TRPS1: variants seen among roughly 807,000 people sequenced by gnomAD.
TRPS1 encodes zinc finger transcription factor Trps1.
In TRPS1, 6 loss-of-function variants were observed where a neutral mutation model predicts 101.2. The ratio of observed to expected loss-of-function variants is 0.06; its 90% confidence interval spans 0.03 to 0.12. The LOEUF (loss-of-function observed/expected upper bound fraction) is 0.12. Among genes scored for constraint, TRPS1 ranks in the 10% least tolerant of loss-of-function variants. The pLI, the probability that TRPS1 is intolerant of heterozygous loss-of-function variation, is 1.00. For missense variants in TRPS1, 1,363 were observed against 1,567.0 expected, an observed-to-expected ratio of 0.87 and a Z score of 2.20; for synonymous variants, 578 against 589.8, an observed-to-expected ratio of 0.98 and a Z score of 0.29.
intron 5 of TRPS1, among the ~76,000 whole-genome samples, chr8:115,461,143 A>T (rs1814158130): frequency 6.6e-6 from 1 of 152,174 alleles, no homozygotes; most frequent in Non-Finnish European, 1.5e-5. Context: ...AATAATAGTC[A>T]TCATACAAAT....
chr8:115,521,324 G>A lies in TRPS1; in HGVS notation c.2700+65677C>T, dbSNP rs1437746157. On this transcript the variant is annotated intron_variant, in intron 5 of 6. Coordinates refer to ENST00000395715, the MANE Select transcript of TRPS1 (RefSeq NM_014112.5). ...CACTGGATGAGAGGCAACAGAGATT[G>A]TATTTTGTAGTTTCTTGTATTGATT... is the stretch of plus-strand genomic sequence containing the variant. Among the ~76,000 whole-genome samples, 3 of 151,750 alleles carry A rather than the reference G, an allele frequency of 2.0e-5. No homozygotes were observed. In the East Asian group the frequency reaches 5.8e-4, roughly 29 times the overall value.
intron 1 of TRPS1, among the ~76,000 whole-genome samples, chr8:115,638,459 G>A (rs541123020): frequency 3.9e-5 from 6 of 152,096 alleles, no homozygotes; most frequent in Non-Finnish European, 5.9e-5. Flanking sequence ...AGGTACCTTT[G>A]GGCAGAAGCC....
At chr8:115,577,858 C>T (rs1766314158) in intron 5 of TRPS1, among the ~76,000 whole-genome samples, 1 of 152,150 alleles carries the variant, frequency 6.6e-6, no homozygotes, top group Non-Finnish European at 1.5e-5. Context: ...CCATTACCCA[C>T]ACATGCGACA....
At chr8:115,592,456 A>C (rs1817697428) in intron 4 of TRPS1, among the ~76,000 whole-genome samples, 1 of 152,202 alleles carries the variant, frequency 6.6e-6, no homozygotes, top group South Asian at 2.1e-4. Flanking sequence ...TAATGAAAAA[A>C]GAGTAAAGCT....
chr8:115,652,038 T>C (rs144712144), intron 1 of TRPS1, among the ~76,000 whole-genome samples: 1 of 152,320 alleles, frequency 6.6e-6, no homozygotes, highest in East Asian at 1.9e-4. Context: ...AGTTATTTCA[T>C]TTGGATAAAA....
At chr8:115,471,366 C>A (rs1814464747) in intron 5 of TRPS1, among the ~76,000 whole-genome samples, 1 of 152,154 alleles carries the variant, frequency 6.6e-6, no homozygotes, top group Non-Finnish European at 1.5e-5. Flanking sequence ...CTTATAAAGC[C>A]ATCAGATATC....
chr8:115,658,801 T>A (rs1236293051), intron 1 of TRPS1, among the ~76,000 whole-genome samples: 3 of 152,108 alleles, frequency 2.0e-5, no homozygotes, highest in Non-Finnish European at 4.4e-5. Flanking sequence ...TGTGTAATGT[T>A]GAATAAAAAT....
intron 3 of TRPS1, among the ~76,000 whole-genome samples, chr8:115,607,148 C>T (rs1818057371): frequency 6.6e-6 from 1 of 152,038 alleles, no homozygotes; most frequent in Non-Finnish European, 1.5e-5. Flanking sequence ...AAGGGTTGAA[C>T]AAAGAGCATA....
intron 5 of TRPS1, among the ~76,000 whole-genome samples, chr8:115,534,678 T>C (rs1244103905): frequency 6.6e-6 from 1 of 152,216 alleles, no homozygotes; most frequent in African/African-American, 2.4e-5. Context: ...TTTTTCCTTT[T>C]TGAAGATCAA....
rs405125 is a variant in TRPS1 at position 115,661,741 on chromosome 8, T to C, written c.-122+6804A>G. 4.7e-5 allele frequency: 7 copies of C among 148,434 alleles called. No individual in the cohort carries two copies. The East Asian group carries it at 7.8e-4, about 16-fold the overall frequency. 9.2% of individuals were successfully genotyped at this position (148,434 alleles called of 1,614,324 possible). A position where few individuals can be genotyped will look rare whatever the true frequency, so the allele number is the denominator to read the frequency against. On this transcript the variant is annotated intron_variant, in intron 1 of 6. Coordinates refer to ENST00000395715, the MANE Select transcript of TRPS1 (RefSeq NM_014112.5). ...TAAGGGGAGGGGAGCATATGCGCAATTGATGGATTTTTTTTTTTTTTTTTG... is the reference window on the plus strand; with the variant it reads ...TAAGGGGAGGGGAGCATATGCGCAACTGATGGATTTTTTTTTTTTTTTTTG...
At chr8:115,452,223 A>C (rs988549591) in intron 5 of TRPS1, among the ~76,000 whole-genome samples, 8 of 152,144 alleles carry the variant, frequency 5.3e-5, no homozygotes, top group African/African-American at 1.7e-4. Context: ...CTTAGTAATA[A>C]AGTGCTAAGC....
intron 4 of TRPS1, among the ~76,000 whole-genome samples, chr8:115,588,827 A>G (rs927307227): frequency 1.3e-5 from 2 of 152,228 alleles, no homozygotes; most frequent in Non-Finnish European, 2.9e-5. Flanking sequence ...AATTTTAGAT[A>G]ATCATCAAAA....
chr8:115,637,328 T>C (rs1818793647), intron 1 of TRPS1: 1 of 985,126 alleles, frequency 1.0e-6, no homozygotes, highest in Non-Finnish European at 1.2e-6. Context: ...CCACTTGAAG[T>C]TTCTAAAAAG....
chr8:115,602,759 G>A (rs757500945), intron 4 of TRPS1, among the ~76,000 whole-genome samples: 1 of 152,162 alleles, frequency 6.6e-6, no homozygotes, highest in Non-Finnish European at 1.5e-5. Flanking sequence ...AGTAAGTAAA[G>A]CTTTCTACTT....
intron 5 of TRPS1, among the ~76,000 whole-genome samples, chr8:115,497,782 T>A (rs917435254): frequency 1.3e-5 from 2 of 152,162 alleles, no homozygotes; most frequent in African/African-American, 4.8e-5. Flanking sequence ...GTTACATCAA[T>A]AAGCCTTTGT....
Position 115,587,293 on chromosome 8 carries a change from C to A in TRPS1, c.2408G>T (p.Arg803Leu), listed in dbSNP as rs575384609. 6.2e-7 allele frequency: 1 copy of A among 1,614,184 alleles called. No individual in the cohort carries two copies. Among genetic ancestry groups the A allele is most frequent in the South Asian group, 1.1e-5 (1 of 91,074 alleles). Residue 803 changes from arginine to leucine, a missense_variant, in exon 5 of 7, where the codon CGC becomes CTC. Arg to Leu is a moderately radical substitution (Grantham distance 102, BLOSUM62 -2). Around this residue, in one of 5 missense-constraint regions of TRPS1, gnomAD observed 1,020 missense variants for 1,073.0 expected, o/e 0.95. Transcript: ENST00000395715. ...GTCTGCCCCTCTCCAAGTCACATTG[C>A]GAAGGTCATCACTGGAACTCTCGGT... Reference protein sequence around the residue: ...VWTESSSDDLRNVTWRGADIL... With the variant: ...VWTESSSDDLLNVTWRGADIL...
At chr8:115,610,626 A>G (rs1220262698) in intron 3 of TRPS1, among the ~76,000 whole-genome samples, 19 of 152,186 alleles carry the variant, frequency 1.2e-4, no homozygotes, top group Admixed American at 1.2e-3. Flanking sequence ...CCAAAACTCA[A>G]ACTCCTACAC....
chr8:115,667,832 T>A, intron 1 of TRPS1: 1 of 1,534,998 alleles, frequency 6.5e-7, no homozygotes, highest in Non-Finnish European at 8.7e-7. Context: ...CGGAGGCCCG[T>A]CTCTGAGACC....
At chr8:115,461,154 G>A (rs534919144) in intron 5 of TRPS1, among the ~76,000 whole-genome samples, 3 of 152,210 alleles carry the variant, frequency 2.0e-5, no homozygotes, top group African/African-American at 7.2e-5. Context: ...TCATACAAAT[G>A]TTATTTATTA....
Sources: allele counts gnomAD v4.1 joint callset (sites outside exome capture counted in the v4.1 genomes callset), GRCh38; gene constraint gnomAD v4.1.1; regional missense constraint gnomAD v4.1.1; transcripts MANE v1.5; gene names NCBI Gene and HGNC (gene_info 2026-07-23, HGNC 2026-07-21).